Variants in C1QTNF4 observed in about 807,000 individuals in gnomAD.
C1QTNF4 encodes C1q and TNF related 4, also known as complement C1q tumor necrosis factor-related protein 4.
Under a neutral mutation model 14.6 loss-of-function variants are expected in C1QTNF4, and 12 were observed. The observed-to-expected ratio is 0.82, with a 90% CI of 0.53 to 1.33. The LOEUF (loss-of-function observed/expected upper bound fraction) is 1.33, where lower values mean the gene tolerates loss of function less well. C1QTNF4 is among the 40% of genes most tolerant of loss of function. The pLI, the probability that C1QTNF4 is intolerant of heterozygous loss-of-function variation, is 0.00. For missense variants in C1QTNF4, 558 were observed against 500.3 expected (o/e 1.12, Z -1.10); for synonymous variants, 278 against 246.6 (o/e 1.13, Z -1.19).
In C1QTNF4 at chr11:47,590,174, C is replaced by T. The variant is rs1407002241; in HGVS notation, c.637G>A (p.Asp213Asn). Reference sequence around the variant, plus strand: ...AACACGCCGGCCGCCGCGTCGAAGTCGCCGCCAATGTTGACGAACTCGGTG... The same window carrying T: ...AACACGCCGGCCGCCGCGTCGAAGTTGCCGCCAATGTTGACGAACTCGGTG... The part of the protein sequence containing the change: ...FDTEFVNIGG[D>N]FDAAAGVFRC... Residue 213 changes from aspartate to asparagine, a missense_variant, in exon 2 of 2, where the codon GAC becomes AAC. By Grantham distance (23) the Asp-to-Asn change is conservative. Coordinates refer to ENST00000302514, the MANE Select transcript of C1QTNF4 (RefSeq NM_031909.3). 1 of 1,600,144 alleles carries T rather than the reference C, an allele frequency of 6.2e-7. No homozygotes were observed. Among genetic ancestry groups the T allele is most frequent in the Non-Finnish European group, 8.5e-7 (1 of 1,175,670 alleles).
In C1QTNF4 at chr11:47,594,369, A is replaced by G. The variant is rs2097277057; in HGVS notation, c.-227T>C. 6.6e-6 allele frequency: 1 copy of G among 151,860 alleles called. No individual in the cohort carries two copies. Among genetic ancestry groups the G allele is most frequent in the Admixed American group, 6.6e-5 (1 of 15,236 alleles). The allele number at this position is 151,860 out of a possible 1,614,324, so 9.4% of individuals were successfully genotyped here. On this transcript the variant is annotated 5_prime_UTR_variant, in exon 1 of 2. Transcript: ENST00000302514. Reference sequence around the variant, plus strand: ...GCCGGGCGTGGGGAGGCGTGAGGGAAAGGGAAGGTCAGCTAGAGAGGGAGC... The same window carrying G: ...GCCGGGCGTGGGGAGGCGTGAGGGAGAGGGAAGGTCAGCTAGAGAGGGAGC...
upstream of C1QTNF4, among the ~76,000 whole-genome samples, chr11:47,595,137 A>G (rs1377797459): frequency 6.6e-6 from 1 of 152,192 alleles, no homozygotes; most frequent in East Asian, 1.9e-4. Context: ...CGGGCTGGGA[A>G]CAGCGGTCTT....
In C1QTNF4 at chr11:47,590,497, GC is replaced by G; in HGVS notation, c.313del (p.Ala105ProfsTer40). ...VRNRDEVQALAFDEQRRPGAR... is the reference protein window; with the variant it reads ...VRNRDEVQALXFDEQRRPGAR... ...GCCTGGCCGCCGCTGCTCGTCGAAG[GC>G]CAGCGCCTGCACCTCGTCGCGGTTT... On this transcript the variant is annotated frameshift_variant, in exon 2 of 2. Coordinates refer to ENST00000302514, the MANE Select transcript of C1QTNF4 (RefSeq NM_031909.3). LOFTEE classifies it high-confidence loss of function. 1 of 1,555,178 alleles carries G rather than the reference GC, an allele frequency of 6.4e-7. No individual in the cohort carries two copies. Among genetic ancestry groups the G allele is most frequent in the Non-Finnish European group, 8.7e-7 (1 of 1,152,270 alleles).
At position 47,589,909 on chromosome 11, in the gene C1QTNF4, C is replaced by G; in HGVS notation, c.902G>C (p.Gly301Ala). 1 of 1,589,780 alleles carries G rather than the reference C, an allele frequency of 6.3e-7. No individual in the cohort carries two copies. The highest frequency in any genetic ancestry group is 8.6e-7 in the Non-Finnish European group (1 of 1,168,092). ...HDGYGAYSNH[G>A]KYITFSGFLV... ...GAAGCCGGAGAAGGTGATGTACTTGCCGTGGTTGCTGTAGGCGCCGTAGCC... is the reference window on the plus strand; with the variant it reads ...GAAGCCGGAGAAGGTGATGTACTTGGCGTGGTTGCTGTAGGCGCCGTAGCC... The change falls in exon 2 of 2, where the codon GGC (glycine) becomes GCC (alanine). Residue 301 changes from glycine to alanine, a missense_variant. Coordinates refer to ENST00000302514, the MANE Select transcript of C1QTNF4 (RefSeq NM_031909.3).
intron 1 of C1QTNF4, 112 bp downstream of exon 1, chr11:47,594,036 C>T (rs902342023): frequency 6.6e-6 from 1 of 152,160 alleles, no homozygotes; most frequent in Non-Finnish European, 1.5e-5. Context: ...CACGAAAAGG[C>T]TCCCAGGTCC....
chr11:47,593,817 G>A (rs908277057), intron 1 of C1QTNF4, among the ~76,000 whole-genome samples: 2 of 151,772 alleles, frequency 1.3e-5, no homozygotes, highest in Admixed American at 1.3e-4. Context: ...GTTCCCCCTT[G>A]CCCTGCCACT....
chr11:47,592,018 G>GCC (rs1024157940), intron 1 of C1QTNF4, among the ~76,000 whole-genome samples: 3 of 152,196 alleles, frequency 2.0e-5, no homozygotes, highest in Non-Finnish European at 2.9e-5. Context: ...CTCACCAGGG[G>GCC]CCCTTCCTGC....
intron 1 of C1QTNF4, among the ~76,000 whole-genome samples, chr11:47,593,803 C>T (rs1404745941): frequency 6.6e-6 from 1 of 152,026 alleles, no homozygotes; most frequent in Non-Finnish European, 1.5e-5. Flanking sequence ...GAGGGGATCG[C>T]AGAGTTCCCC....
In C1QTNF4 at chr11:47,590,134, G is replaced by A. The variant is rs1428008920; in HGVS notation, c.677C>T (p.Pro226Leu). Residue 226 changes from proline (P) to leucine (L), a missense_variant, in exon 2 of 2, where the codon CCC becomes CTC. Pro to Leu is a moderately conservative substitution (Grantham distance 98). Coordinates refer to ENST00000302514, the MANE Select transcript of C1QTNF4 (RefSeq NM_031909.3). Reference sequence around the variant, plus strand: ...CGTGAAGGAGAAGAAGTAGGCGCCGGGCAGACGGCAGCGGAACACGCCGGC... The same window carrying A: ...CGTGAAGGAGAAGAAGTAGGCGCCGAGCAGACGGCAGCGGAACACGCCGGC... The part of the protein sequence containing the change: ...AAAGVFRCRL[P>L]GAYFFSFTLG... The A allele has an allele frequency of 6.2e-7, 1 of 1,610,042 alleles. No individual in the cohort carries two copies. The highest frequency in any genetic ancestry group is 8.5e-7 in the Non-Finnish European group (1 of 1,178,766).
Position 47,594,158 on chromosome 11 carries a change from G to T in C1QTNF4, c.-16C>A, listed in dbSNP as rs1239193520. On this transcript the variant is annotated 5_prime_UTR_variant, in exon 1 of 2. Transcript: ENST00000302514. Reference sequence around the variant, plus strand: ...CTCAGCTGCCCTCACCTGGCTGGGGGCGGCGGTCGAGTCGGGTTCGGTCTG... The same window carrying T: ...CTCAGCTGCCCTCACCTGGCTGGGGTCGGCGGTCGAGTCGGGTTCGGTCTG... 6.6e-6 allele frequency: 1 copy of T among 152,166 alleles called. No individual in the cohort carries two copies. The highest frequency in any genetic ancestry group is 1.5e-5 in the Non-Finnish European group (1 of 68,050). 9.4% of individuals were successfully genotyped at this position (152,166 alleles called of 1,614,324 possible). A position where few individuals can be genotyped will look rare whatever the true frequency, so the allele number is the denominator to read the frequency against.
rs1036061246 is a variant in C1QTNF4, at chr11:47,591,387, G to A, written c.-5-572C>T. Among the ~76,000 whole-genome samples the A allele has an allele frequency of 5.4e-5, 4 of 74,450 alleles. 1 individual carries two copies. The highest frequency in any genetic ancestry group is 2.2e-4 in the African/African-American group (4 of 18,576). 48.8% of individuals were successfully genotyped at this position (74,450 alleles called of 152,430 possible). On this transcript the variant is annotated intron_variant, in intron 1 of 1. Coordinates refer to ENST00000302514, the MANE Select transcript of C1QTNF4 (RefSeq NM_031909.3). ...CCATCGCGCCTGGCCTTGAAACCCC[G>A]CCCCCCCCCCTTTTTTTTTTGAGAC...
At chr11:47,592,725 A>G (rs2097276249) in intron 1 of C1QTNF4, among the ~76,000 whole-genome samples, 2 of 152,306 alleles carry the variant, frequency 1.3e-5, no homozygotes, top group Admixed American at 6.5e-5. Context: ...CTGTATGTGT[A>G]GCTCTGTGTC....
chr11:47,593,471 C>G (rs930025072), intron 1 of C1QTNF4, among the ~76,000 whole-genome samples: 2 of 152,188 alleles, frequency 1.3e-5, no homozygotes, highest in Admixed American at 1.3e-4. Flanking sequence ...AGCTGCCCAG[C>G]AACCTCCTGA....
upstream of C1QTNF4, among the ~76,000 whole-genome samples, chr11:47,594,952 A>AG (rs2097277441): frequency 6.6e-6 from 1 of 152,032 alleles, no homozygotes. Flanking sequence ...CCCCGGGGTG[A>AG]GGGGCAGTAA....
Position 47,590,406 on chromosome 11 carries a change from C to G in C1QTNF4, c.405G>C (p.Arg135=). 1 of 1,487,116 alleles carries G rather than the reference C, an allele frequency of 6.7e-7. No homozygotes were observed. The highest frequency in any genetic ancestry group is 1.3e-5 in the South Asian group (1 of 77,140). The allele number at this position is 1,487,116 out of a possible 1,614,324, so 92.1% of individuals were successfully genotyped here. ...GCGCGTACTGCGGGGCGCCATGCAGCCGCAGCCACACTGTGTCGCCGTAGT... is the reference window on the plus strand; with the variant it reads ...GCGCGTACTGCGGGGCGCCATGCAGGCGCAGCCACACTGTGTCGCCGTAGT... ...QLDYGDTVWL[R]LHGAPQYALG... is the part of the protein sequence containing the mutation. Residue 135 remains arginine (R), a synonymous_variant, in exon 2 of 2, where the codon CGG becomes CGC. Transcript: ENST00000302514.
Position 47,590,266 on chromosome 11 carries a change from G to A in C1QTNF4, c.545C>T (p.Ala182Val), listed in dbSNP as rs968896569. The change falls in exon 2 of 2, where the codon GCG becomes GTG. Residue 182 changes from alanine to valine, a missense_variant. By Grantham distance (64) the Ala-to-Val change is moderately conservative. Coordinates refer to ENST00000302514, the MANE Select transcript of C1QTNF4 (RefSeq NM_031909.3). ...PPEPRSAFSA[A>V]RTRSLVGSDA... is the part of the protein sequence containing the mutation. ...CGAGCCCACCAAGCTGCGCGTGCGC[G>A]CCGCCGAGAAGGCCGAGCGCGGCTC... is the stretch of plus-strand genomic sequence containing the variant. 8 of 1,374,258 alleles carry A rather than the reference G, an allele frequency of 5.8e-6. No individual in the cohort carries two copies. In the Middle Eastern group the frequency reaches 1.2e-3, roughly 202 times the overall value. The allele number at this position is 1,374,258 out of a possible 1,614,324, so 85.1% of individuals were successfully genotyped here.
rs762353779 is a variant in C1QTNF4 at position 47,590,205 on chromosome 11, G to A, written c.606C>T (p.Ala202=). 114 of 1,581,558 alleles carry A rather than the reference G, an allele frequency of 7.2e-5. No individual in the cohort carries two copies. Among genetic ancestry groups the A allele is most frequent in the Middle Eastern group, 1.7e-4 (1 of 5,946 alleles). The change falls in exon 2 of 2, where the codon GCC becomes GCT. Residue 202 remains alanine (A), a synonymous_variant. Coordinates refer to ENST00000302514, the MANE Select transcript of C1QTNF4 (RefSeq NM_031909.3). ...AGPGPRHQPL[A]FDTEFVNIGG... ...CAATGTTGACGAACTCGGTGTCGAA[G>A]GCGAGTGGTTGGTGCCGCGGCCCGG...
chr11:47,592,578 G>A (rs1218880279), intron 1 of C1QTNF4, among the ~76,000 whole-genome samples: 1 of 152,152 alleles, frequency 6.6e-6, no homozygotes, highest in Admixed American at 6.5e-5. Context: ...GTCACTCTCT[G>A]ATGTAGGGAT....
Position 47,590,016 on chromosome 11 carries a change from C to A in C1QTNF4, c.795G>T (p.Arg265=). The change falls in exon 2 of 2, where the codon CGG becomes CGT. Residue 265 remains arginine (R), a synonymous_variant. Transcript: ENST00000302514. ...QAMIYDDGAS[R]RREMQSQSVM... is the part of the protein sequence containing the mutation. Reference sequence around the variant, plus strand: ...CGCTCTGGCTCTGCATCTCGCGGCGCCGCGACGCGCCGTCGTCGTAAATCA... The same window carrying A: ...CGCTCTGGCTCTGCATCTCGCGGCGACGCGACGCGCCGTCGTCGTAAATCA... 1 of 1,611,730 alleles carries A rather than the reference C, an allele frequency of 6.2e-7. No homozygotes were observed. The highest frequency in any genetic ancestry group is 8.5e-7 in the Non-Finnish European group (1 of 1,178,544).
Sources: allele counts gnomAD v4.1 joint callset (sites outside exome capture counted in the v4.1 genomes callset), GRCh38; gene constraint gnomAD v4.1.1; transcripts MANE v1.5; gene names NCBI Gene and HGNC (gene_info 2026-07-23, HGNC 2026-07-21).